The following CTTN variants were observed in gnomAD, a reference collection of about 807,000 sequenced individuals.
The protein encoded by CTTN is cortactin, also known as src substrate cortactin.
Under a neutral mutation model 84.0 loss-of-function variants are expected in CTTN, and 28 were observed. The ratio of observed to expected loss-of-function variants is 0.33; its 90% CI spans 0.25 to 0.46. The LOEUF is 0.46. Among genes scored for constraint, CTTN ranks in the 20% least tolerant of loss-of-function variants. CTTN has a pLI of 1.00. For missense variants in CTTN, 641 were observed against 723.8 expected (o/e 0.89, Z 1.31); for synonymous variants, 301 against 288.8 (o/e 1.04, Z -0.43).
intron 7 of CTTN, among the ~76,000 whole-genome samples, chr11:70,416,404 T>C (rs894051814): frequency 2.0e-5 from 3 of 152,040 alleles, no homozygotes; most frequent in African/African-American, 4.8e-5. Context: ...ATATGAGGCT[T>C]TCTCTTTCCA....
chr11:70,407,615 C>A, intron 4 of CTTN, 24 bp downstream of exon 4: 1 of 1,609,710 alleles, frequency 6.2e-7, no homozygotes, highest in Non-Finnish European at 8.5e-7. Flanking sequence ...CCACCACCCT[C>A]CCGAGGGCCC....
At chr11:70,431,152 C>A in intron 14 of CTTN, 39 bp from the exon 15 acceptor site, 4 of 1,584,312 alleles carry the variant, frequency 2.5e-6, no homozygotes, top group Non-Finnish European at 3.5e-6. Flanking sequence ...TGCAGAGTGT[C>A]ATGGCAGCAT....
At chr11:70,414,503 T>G (rs7932550) in intron 5 of CTTN, 39 bp from the exon 6 acceptor site, 1 of 1,450,688 alleles carries the variant, frequency 6.9e-7, no homozygotes, top group Non-Finnish European at 9.7e-7. Flanking sequence ...GCCGCAGTGT[T>G]GTTGGTGTCT....
rs1027432046 is a variant in CTTN, at chr11:70,407,661, T to C, written c.161+70T>C. 16 of 1,426,218 alleles carry C rather than the reference T, an allele frequency of 1.1e-5. No individual in the cohort carries two copies. In the Admixed American group the frequency reaches 2.3e-4, roughly 20 times the overall value. The allele number at this position is 1,426,218 out of a possible 1,614,324, so 88.3% of individuals were successfully genotyped here. On this transcript the variant is annotated intron_variant, in intron 4 of 17. Transcript: ENST00000301843. The stretch of plus-strand genomic sequence containing the variant: ...GGAGCCCCAGGTGCAACAGGGCCCA[T>C]GGTCATCTGTGGAGGGACAGCCCGT...
chr11:70,426,303 C>T (rs1243605711), intron 13 of CTTN, among the ~76,000 whole-genome samples: 1 of 151,006 alleles, frequency 6.6e-6, no homozygotes. Context: ...CCCAGCTACT[C>T]GGGAGGCTGA....
chr11:70,406,400 G>A (rs994922784), intron 2 of CTTN, among the ~76,000 whole-genome samples: 4 of 152,028 alleles, frequency 2.6e-5, no homozygotes, highest in Non-Finnish European at 5.9e-5. Context: ...CCTCAGTTCA[G>A]ACCCCTGGGC....
chr11:70,433,035 A>G, intron 15 of CTTN, 66 bp from the exon 16 acceptor site: 6 of 1,513,686 alleles, frequency 4.0e-6, no homozygotes, highest in Non-Finnish European at 5.4e-6. Context: ...TGGCTGTGGC[A>G]GTACAGCTAC....
At chr11:70,419,884 G>A (rs1565494348) in intron 9 of CTTN, 28 bp downstream of exon 9, 3 of 1,559,708 alleles carry the variant, frequency 1.9e-6, no homozygotes, top group South Asian at 2.3e-5. Flanking sequence ...TTACCCTCCA[G>A]CCAGCAGCTA....
At chr11:70,402,682 A>T (rs997277581) in intron 1 of CTTN, among the ~76,000 whole-genome samples, 1 of 152,236 alleles carries the variant, frequency 6.6e-6, no homozygotes, top group Non-Finnish European at 1.5e-5. Flanking sequence ...TTTGTGGCAG[A>T]ATAAAATGCC....
intron 5 of CTTN, 92 bp downstream of exon 5, chr11:70,410,052 C>G (rs959569916): frequency 8.3e-6 from 12 of 1,439,108 alleles, no homozygotes; most frequent in South Asian, 1.2e-5. Flanking sequence ...TTCCTTAGAT[C>G]AGCAGTTTTG....
At chr11:70,410,298 A>G (rs1021109130) in intron 5 of CTTN, 2 of 235,246 alleles carry the variant, frequency 8.5e-6, no homozygotes, top group Admixed American at 4.8e-5. Context: ...CTGTGGTTCC[A>G]GTCTGTAGCC....
intron 8 of CTTN, 56 bp downstream of exon 8, chr11:70,417,179 G>T: frequency 7.5e-7 from 1 of 1,331,362 alleles, no homozygotes; most frequent in Non-Finnish European, 1.1e-6. Context: ...CACCCACGAG[G>T]GCATTTTCTC....
chr11:70,435,231 T>TG lies in CTTN; in HGVS notation c.*72dup. 1 of 1,438,482 alleles carries TG rather than the reference T, an allele frequency of 7.0e-7. No individual in the cohort carries two copies. The highest frequency in any genetic ancestry group is 3.1e-5 in the Admixed American group (1 of 31,844). The allele number at this position is 1,438,482 out of a possible 1,614,324, so 89.1% of individuals were successfully genotyped here. A position where few individuals can be genotyped will look rare whatever the true frequency, so the allele number is the denominator to read the frequency against. ...TACAGATCAGGCCTTCTTTGGTTCT[T>TG]GGGTGGTTTTGGGTTTTTTCTGTTT... On this transcript the variant is annotated 3_prime_UTR_variant, in exon 18 of 18. Coordinates refer to ENST00000301843, the MANE Select transcript of CTTN (RefSeq NM_005231.4).
In CTTN at chr11:70,436,340, G is replaced by A. The variant is rs200675557; in HGVS notation, c.*1178G>A. 319 of 1,598,132 alleles carry A rather than the reference G, an allele frequency of 2.0e-4. No individual in the cohort carries two copies. Among genetic ancestry groups the A allele is most frequent in the Non-Finnish European group, 2.6e-4 (303 of 1,179,774 alleles). Reference sequence around the variant, plus strand: ...TGGACCAGTCCCGTCGTGCAGTCAGGTGGGCGGTGTGTCTTTCCAGAAGGT... The same window carrying A: ...TGGACCAGTCCCGTCGTGCAGTCAGATGGGCGGTGTGTCTTTCCAGAAGGT... On this transcript the variant is annotated 3_prime_UTR_variant, in exon 18 of 18. Transcript: ENST00000301843.
At chr11:70,410,585 C>T (rs149970045) in intron 5 of CTTN, among the ~76,000 whole-genome samples, 127 of 152,280 alleles carry the variant, frequency 8.3e-4, no homozygotes, top group African/African-American at 3.0e-3. Flanking sequence ...CGGCTGCACC[C>T]GTGCTTTAGG....
intron 2 of CTTN, 29 bp from the exon 3 acceptor site, chr11:70,407,269 T>A: frequency 6.5e-7 from 1 of 1,546,676 alleles, no homozygotes; most frequent in Non-Finnish European, 8.7e-7. Context: ...CCCTGAGGCC[T>A]CCGTAACCCT....
chr11:70,399,396 C>A (rs906519958), intron 1 of CTTN, among the ~76,000 whole-genome samples: 1 of 151,660 alleles, frequency 6.6e-6, no homozygotes, highest in Non-Finnish European at 1.5e-5. Context: ...GGGATGGGGT[C>A]CGCGGGGTCA....
chr11:70,425,810 C>G (rs1430035416), intron 13 of CTTN, among the ~76,000 whole-genome samples: 1 of 152,232 alleles, frequency 6.6e-6, no homozygotes, highest in Admixed American at 6.5e-5. Context: ...CAGACATTCT[C>G]TCTGCTGCTC....
intron 1 of CTTN, among the ~76,000 whole-genome samples, chr11:70,400,851 G>A (rs1483717843): frequency 6.6e-6 from 1 of 152,210 alleles, no homozygotes. Flanking sequence ...ATCTGCTCAC[G>A]CACTGCTTTG....
Sources: gnomAD v4.1 joint callset for allele counts (sites outside exome capture counted in the v4.1 genomes callset) on GRCh38, gnomAD v4.1.1 for gene constraint, MANE v1.5 for transcripts, NCBI Gene and HGNC (gene_info 2026-07-23, HGNC 2026-07-21) for gene names.